The following GPR153 variants were observed in gnomAD, a reference collection of about 807,000 sequenced individuals.
The protein encoded by GPR153 is probable G protein-coupled receptor 153.
A neutral mutation model predicts 34.1 loss-of-function variants in GPR153; 27 were observed. The observed-to-expected ratio is 0.79, with a 90% CI of 0.58 to 1.09. The LOEUF is 1.09. GPR153 is among the 50% of genes least tolerant of loss of function. The pLI is 0.00. For synonymous variants in GPR153, 408 were observed against 405.4 expected (o/e 1.01, Z -0.08); for missense variants, 848 against 860.2 (o/e 0.99, Z 0.18).
Position 6,254,587 on chromosome 1 carries a change from G to A in GPR153, c.319C>T (p.His107Tyr). 1 of 1,598,508 alleles carries A rather than the reference G, an allele frequency of 6.3e-7. No individual in the cohort carries two copies. Among genetic ancestry groups the A allele is most frequent in the African/African-American group, 1.3e-5 (1 of 74,824 alleles). ...TCFSVTSLSY[H>Y]RMWMVCWPVN... ...GGCCAGCAGACCATCCACATGCGGT[G>A]GTAGGAGAGGGAGGTGACAGAGAAA... Residue 107 changes from histidine (H) to tyrosine (Y), a missense_variant, in exon 2 of 6, where the codon CAC becomes TAC. By Grantham distance (83) the His-to-Tyr change is moderately conservative. Coordinates refer to ENST00000377893, the MANE Select transcript of GPR153 (RefSeq NM_207370.4).
chr1:6,258,492 G>A (rs1167443737), intron 1 of GPR153, among the ~76,000 whole-genome samples: 1 of 152,146 alleles, frequency 6.6e-6, no homozygotes, highest in Non-Finnish European at 1.5e-5. Context: ...CAGACCTGTG[G>A]GCAGATACAT....
intron 1 of GPR153, among the ~76,000 whole-genome samples, chr1:6,257,316 C>G (rs1553153108): frequency 6.6e-6 from 1 of 152,248 alleles, no homozygotes; most frequent in Non-Finnish European, 1.5e-5. Context: ...ATTTCCCTCT[C>G]CTGTTCCCCA....
Position 6,253,974 on chromosome 1 carries a change from A to G in GPR153, c.530T>C (p.Leu177Pro). The stretch of plus-strand genomic sequence containing the variant: ...GGCCACGCTGCCGCCCACCAGCAGC[A>G]GGAAGCAGACGCCAAAGCCCAGGCC... ...EIGLGFGVCF[L>P]LLVGGSVAMG... Residue 177 changes from leucine (L) to proline (P), a missense_variant, in exon 3 of 6, where the codon CTG becomes CCG. By Grantham distance (98) the Leu-to-Pro change is moderately conservative. Transcript: ENST00000377893. 2.5e-6 allele frequency: 4 copies of G among 1,613,042 alleles called. No individual in the cohort carries two copies. The highest frequency in any genetic ancestry group is 3.4e-6 in the Non-Finnish European group (4 of 1,179,842).
At position 6,253,617 on chromosome 1, in the gene GPR153, C is replaced by T. The variant is rs952724291; in HGVS notation, c.786+101G>A. ...ATGGGGACGATGATCAAGCCCATCTCAAAGGATTGGGTCTGAGGACTCAAC... is the reference window on the plus strand; with the variant it reads ...ATGGGGACGATGATCAAGCCCATCTTAAAGGATTGGGTCTGAGGACTCAAC... On this transcript the variant is annotated intron_variant, in intron 3 of 5. Coordinates refer to ENST00000377893, the MANE Select transcript of GPR153 (RefSeq NM_207370.4). 12 of 1,073,550 alleles carry T rather than the reference C, an allele frequency of 1.1e-5. No individual in the cohort carries two copies. In the Admixed American group the frequency reaches 2.3e-4, roughly 20 times the overall value. The allele number at this position is 1,073,550 out of a possible 1,614,324, so 66.5% of individuals were successfully genotyped here. A position where few individuals can be genotyped will look rare whatever the true frequency, so the allele number is the denominator to read the frequency against.
At chr1:6,256,321 T>G (rs1016296700) in intron 1 of GPR153, among the ~76,000 whole-genome samples, 11 of 151,628 alleles carry the variant, frequency 7.3e-5, no homozygotes, top group Non-Finnish European at 1.2e-4. Flanking sequence ...TCTCAGCTTT[T>G]CTTTTTTGAA....
rs1358909137 is a variant in GPR153, at chr1:6,249,254, C to CG, written c.*83dup. On this transcript the variant is annotated 3_prime_UTR_variant, in exon 6 of 6. Transcript: ENST00000377893. This position sits in a 1 kb window ranked among gnomAD's most constrained non-coding sequence, Gnocchi z 4.3. The stretch of plus-strand genomic sequence containing the variant: ...GGGAGGGGTGGCGCATGTCTGCGCG[C>CG]GGGGCGGAGGCGGGCGTCTTTGGTG... 3.0e-5 allele frequency: 31 copies of CG among 1,034,220 alleles called. No homozygotes were observed. Among genetic ancestry groups the CG allele is most frequent in the Middle Eastern group, 3.6e-4 (1 of 2,792 alleles). The allele number at this position is 1,034,220 out of a possible 1,614,324, so 64.1% of individuals were successfully genotyped here.
Position 6,249,240 on chromosome 1 carries a change from C to T in GPR153, c.*98G>A. ...GCCCCCTCACCCCTGGGAGGGGTGG[C>T]GCATGTCTGCGCGCGGGGCGGAGGC... On this transcript the variant is annotated 3_prime_UTR_variant, in exon 6 of 6. Transcript: ENST00000377893. This position sits in a 1 kb window ranked among gnomAD's most constrained non-coding sequence, Gnocchi z 4.3. 4 of 904,266 alleles carry T rather than the reference C, an allele frequency of 4.4e-6. No individual in the cohort carries two copies. Among genetic ancestry groups the T allele is most frequent in the South Asian group, 4.8e-5 (1 of 20,786 alleles). 56.0% of individuals were successfully genotyped at this position (904,266 alleles called of 1,614,324 possible).
chr1:6,257,256 A>G (rs1319439975), intron 1 of GPR153, among the ~76,000 whole-genome samples: 3 of 152,150 alleles, frequency 2.0e-5, no homozygotes, highest in African/African-American at 4.8e-5. Context: ...ATTTTACTTC[A>G]TCAGGCCACG....
intron 3 of GPR153, among the ~76,000 whole-genome samples, chr1:6,252,561 T>G (rs1638472311): frequency 1.3e-5 from 2 of 151,926 alleles, no homozygotes; most frequent in Admixed American, 1.3e-4. Context: ...CTGCTGGGGG[T>G]GGGGCAGTGG....
intron 3 of GPR153, among the ~76,000 whole-genome samples, chr1:6,252,866 C>T (rs572542094): frequency 6.6e-5 from 10 of 152,304 alleles, no homozygotes; most frequent in Admixed American, 5.9e-4. Context: ...CCCTCTGGAC[C>T]TCAGACCTTT....
Position 6,253,995 on chromosome 1 carries a change from A to G in GPR153, c.509T>C (p.Leu170Pro), listed in dbSNP as rs1185268073. Reference protein sequence around the residue: ...GCRFIVAEIGLGFGVCFLLLV... With the variant: ...GCRFIVAEIGPGFGVCFLLLV... The stretch of plus-strand genomic sequence containing the variant: ...CAGCAGGAAGCAGACGCCAAAGCCC[A>G]GGCCGATCTCAGCCACGATGAAGCG... Residue 170 changes from leucine (L) to proline (P), a missense_variant, in exon 3 of 6, where the codon CTG becomes CCG. Physicochemically the swap from Leu to Pro is moderately conservative, Grantham distance 98. Transcript: ENST00000377893. 1 of 1,613,218 alleles carries G rather than the reference A, an allele frequency of 6.2e-7. No homozygotes were observed. The highest frequency in any genetic ancestry group is 1.3e-5 in the African/African-American group (1 of 74,936).
Position 6,251,553 on chromosome 1 carries a change from G to C in GPR153, c.787-23C>G, listed in dbSNP as rs1178469078. ...CACCTGTGGGCACAGGGCTCGGCCT[G>C]GCACCTGCAGGACCCCCCACCATCA... On this transcript the variant is annotated intron_variant, in intron 3 of 5. Transcript: ENST00000377893. This position sits in a 1 kb window ranked among gnomAD's most constrained non-coding sequence, Gnocchi z 4.9. 65 of 1,549,554 alleles carry C rather than the reference G, an allele frequency of 4.2e-5. No homozygotes were observed. Among genetic ancestry groups the C allele is most frequent in the Non-Finnish European group, 5.6e-5 (64 of 1,151,540 alleles).
chr1:6,250,529 C>T lies in GPR153; in HGVS notation c.1075G>A (p.Ala359Thr), dbSNP rs775871938. 5 of 1,608,080 alleles carry T rather than the reference C, an allele frequency of 3.1e-6. No individual in the cohort carries two copies. The East Asian group carries it at 1.1e-4, about 36-fold the overall frequency. Residue 359 changes from alanine to threonine, a missense_variant, in exon 5 of 6, where the codon GCC becomes ACC. Coordinates refer to ENST00000377893, the MANE Select transcript of GPR153 (RefSeq NM_207370.4). ...GGDFVALDRM[A>T]KYEISALEGG... ...TCCAGGGCGGAGATCTCATACTTGGCCATCCTATCTAGGGCCACAAAATCA... is the reference window on the plus strand; with the variant it reads ...TCCAGGGCGGAGATCTCATACTTGGTCATCCTATCTAGGGCCACAAAATCA...
Position 6,253,719 on chromosome 1 carries a change from A to G in GPR153, c.785T>C (p.Leu262Pro), listed in dbSNP as rs1638498543. ...IYDCLMGFPV[L>P]VVSFSSLRAD... is the part of the protein sequence containing the mutation. Reference sequence around the variant, plus strand: ...CCTCTACCCGACGCCGTCACCCACCAGCACAGGGAAGCCCATGAGGCAGTC... The same window carrying G: ...CCTCTACCCGACGCCGTCACCCACCGGCACAGGGAAGCCCATGAGGCAGTC... The change falls in exon 3 of 6, where the codon CTG becomes CCG. Residue 262 changes from leucine to proline, a missense_variant and splice_region_variant. By Grantham distance (98) the Leu-to-Pro change is moderately conservative (BLOSUM62 -3). Coordinates refer to ENST00000377893, the MANE Select transcript of GPR153 (RefSeq NM_207370.4). The G allele has an allele frequency of 6.6e-7, 1 of 1,518,100 alleles. No homozygotes were observed. Among genetic ancestry groups the G allele is most frequent in the East Asian group, 2.3e-5 (1 of 43,996 alleles). 94.0% of individuals were successfully genotyped at this position (1,518,100 alleles called of 1,614,324 possible). A position where few individuals can be genotyped will look rare whatever the true frequency, so the allele number is the denominator to read the frequency against.
chr1:6,260,162 C>T (rs1638638794), intron 1 of GPR153, among the ~76,000 whole-genome samples: 1 of 152,162 alleles, frequency 6.6e-6, no homozygotes, highest in African/African-American at 2.4e-5. Context: ...CATTGCGCAA[C>T]AAAGAGAACC....
rs1638341040 is a variant in GPR153 at position 6,248,084 on chromosome 1, G to A, written c.*1254C>T. ...GTGGGGCCACTGTGTAGGGGTAGGG[G>A]TCTGGAGGAGACAGCCTTCTCATCT... On this transcript the variant is annotated 3_prime_UTR_variant, in exon 6 of 6. Transcript: ENST00000377893. The A allele has an allele frequency of 2.0e-5, 3 of 152,572 alleles. No individual in the cohort carries two copies. The highest frequency in any genetic ancestry group is 1.3e-4 in the Admixed American group (2 of 15,310). The allele number at this position is 152,572 out of a possible 1,614,324, so 9.5% of individuals were successfully genotyped here.
chr1:6,249,378 T>C lies in GPR153; in HGVS notation c.1790A>G (p.Tyr597Cys). 1 of 1,361,726 alleles carries C rather than the reference T, an allele frequency of 7.3e-7. No individual in the cohort carries two copies. Among genetic ancestry groups the C allele is most frequent in the Non-Finnish European group, 9.4e-7 (1 of 1,064,152 alleles). 84.4% of individuals were successfully genotyped at this position (1,361,726 alleles called of 1,614,324 possible). A position where few individuals can be genotyped will look rare whatever the true frequency, so the allele number is the denominator to read the frequency against. The change falls in exon 6 of 6, where the codon TAC becomes TGC. Residue 597 changes from tyrosine (Y) to cysteine (C), a missense_variant. Physicochemically the swap from Tyr to Cys is radical, Grantham distance 194. Coordinates refer to ENST00000377893, the MANE Select transcript of GPR153 (RefSeq NM_207370.4). The surrounding 1 kb of genome is among the most constrained non-coding windows in gnomAD (Gnocchi z 4.3). ...FLSSPSESSGYATLHSDSLGS... is the reference protein window; with the variant it reads ...FLSSPSESSGCATLHSDSLGS... ...CAGCGAGTCCGAGTGCAGCGTGGCGTAGCCCGAGGACTCGGAGGGGGAACT... is the reference window on the plus strand; with the variant it reads ...CAGCGAGTCCGAGTGCAGCGTGGCGCAGCCCGAGGACTCGGAGGGGGAACT...
Position 6,251,948 on chromosome 1 carries a change from A to C in GPR153, c.787-418T>G, listed in dbSNP as rs533343606. ...AGTGCTGGGATTACGGGTATGAATC[A>C]CTGTGCCCGGCTGCCATCCCCTTTT... On this transcript the variant is annotated intron_variant, in intron 3 of 5. Coordinates refer to ENST00000377893, the MANE Select transcript of GPR153 (RefSeq NM_207370.4). This position sits in a 1 kb window ranked among gnomAD's most constrained non-coding sequence, Gnocchi z 4.9. Among the ~76,000 whole-genome samples the C allele has an allele frequency of 6.6e-6, 1 of 152,244 alleles. No individual in the cohort carries two copies. The highest frequency in any genetic ancestry group is 2.4e-5 in the African/African-American group (1 of 41,524).
rs1290680168 is a variant in GPR153, at chr1:6,247,474, C to G, written c.*1864G>C. ...TGAAGACAACTCCCTCCCCAGTGAG[C>G]CCAGGGAACAGGCTGGATGCTGGAC... On this transcript the variant is annotated 3_prime_UTR_variant, in exon 6 of 6. Transcript: ENST00000377893. 1 of 152,244 alleles carries G rather than the reference C, an allele frequency of 6.6e-6. No individual in the cohort carries two copies. Among genetic ancestry groups the G allele is most frequent in the East Asian group, 1.9e-4 (1 of 5,194 alleles). 9.4% of individuals were successfully genotyped at this position (152,244 alleles called of 1,614,324 possible).
Sources: gnomAD v4.1 joint callset for allele counts (sites outside exome capture counted in the v4.1 genomes callset) on GRCh38, gnomAD v4.1.1 for gene constraint, Gnocchi (gnomAD v3.1) non-coding constraint, MANE v1.5 for transcripts, NCBI Gene and HGNC (gene_info 2026-07-23, HGNC 2026-07-21) for gene names.